IQSEC1: variants seen among roughly 807,000 people sequenced by gnomAD.
IQSEC1 encodes IQ motif and Sec7 domain ArfGEF 1.
IQSEC1 carries 31 observed loss-of-function variants against 91.0 expected under a neutral mutation model. That is an observed-to-expected ratio of 0.34 (90% CI 0.26 to 0.46). The LOEUF (loss-of-function observed/expected upper bound fraction) is 0.46, where lower values mean the gene tolerates loss of function less well. IQSEC1 is among the 20% of genes least tolerant of loss of function. IQSEC1 has a pLI of 1.00. For synonymous variants in IQSEC1, 699 were observed against 662.6 expected (o/e 1.05, Z -0.84); for missense variants, 1,388 against 1,575.6 (o/e 0.88, Z 2.02).
At chr3:13,098,362 C>T (rs1313444768) in intron 2 of IQSEC1, among the ~76,000 whole-genome samples, 1 of 152,066 alleles carries the variant, frequency 6.6e-6, no homozygotes, top group Non-Finnish European at 1.5e-5. Flanking sequence ...GGGAAGGTAC[C>T]ACAGAGGAGG....
chr3:13,054,193 T>C (rs1704795319), intron 1 of IQSEC1, among the ~76,000 whole-genome samples: 1 of 152,222 alleles, frequency 6.6e-6, no homozygotes, highest in Non-Finnish European at 1.5e-5. Context: ...AGGGTTTCTA[T>C]GCACAGCCAC....
At chr3:13,085,735 C>T (rs925869750) in intron 2 of IQSEC1, among the ~76,000 whole-genome samples, 6 of 152,346 alleles carry the variant, frequency 3.9e-5, no homozygotes, top group South Asian at 2.1e-4. Flanking sequence ...ATTTCACAGA[C>T]GGACAGGAGG....
At chr3:13,026,367 T>G (rs371241713) in intron 1 of IQSEC1, among the ~76,000 whole-genome samples, 1 of 152,204 alleles carries the variant, frequency 6.6e-6, no homozygotes, top group African/African-American at 2.4e-5. Context: ...CAAGGGAGCT[T>G]GTGTAGTGAC....
intron 1 of IQSEC1, among the ~76,000 whole-genome samples, chr3:13,232,848 G>C (rs938791228): frequency 6.6e-6 from 1 of 152,276 alleles, no homozygotes; most frequent in Admixed American, 6.5e-5. Flanking sequence ...CAACAATATG[G>C]ATGAAGCCTG....
At chr3:13,063,950 T>C (rs1334632688) in intron 1 of IQSEC1, among the ~76,000 whole-genome samples, 1 of 152,130 alleles carries the variant, frequency 6.6e-6, no homozygotes, top group Non-Finnish European at 1.5e-5. Flanking sequence ...CCCTCACCTT[T>C]TAAAAATTAA....
At chr3:12,953,188 G>C (rs183369741) in intron 1 of IQSEC1, among the ~76,000 whole-genome samples, 1 of 152,250 alleles carries the variant, frequency 6.6e-6, no homozygotes, top group African/African-American at 2.4e-5. Flanking sequence ...GCTGCAGGGA[G>C]CACACCCACA....
chr3:13,104,592 G>A (rs2124841258), intron 2 of IQSEC1, among the ~76,000 whole-genome samples: 1 of 152,284 alleles, frequency 6.6e-6, no homozygotes, highest in East Asian at 1.9e-4. Flanking sequence ...TGTGCACGCT[G>A]GGGCCACATC....
Position 12,936,117 on chromosome 3 carries a change from G to T in IQSEC1, c.899C>A (p.Pro300His). 1 of 1,611,816 alleles carries T rather than the reference G, an allele frequency of 6.2e-7. No homozygotes were observed. Among genetic ancestry groups the T allele is most frequent in the Non-Finnish European group, 8.5e-7 (1 of 1,179,820 alleles). ...CCCTGCCTGCGAGAGGGGCAGAGGG[G>T]GCGACAGCTCCTCCTCATCGATGTA... ...TLYIDEEELSPPLPLSQAGDR... is the reference protein window; with the variant it reads ...TLYIDEEELSHPLPLSQAGDR... Residue 300 changes from proline (P) to histidine (H), a missense_variant, in exon 3 of 14, where the codon CCC becomes CAC. This residue lies in a region of IQSEC1 where 1,059 missense variants were observed against 1,317.8 expected (regional missense o/e 0.80). Transcript: ENST00000613206.
At chr3:13,230,437 T>C (rs1694823080) in intron 1 of IQSEC1, among the ~76,000 whole-genome samples, 1 of 152,230 alleles carries the variant, frequency 6.6e-6, no homozygotes, top group African/African-American at 2.4e-5. Context: ...AAAACACTCA[T>C]CATAAGCAGA....
At chr3:13,134,439 G>A (rs535485152) in intron 2 of IQSEC1, among the ~76,000 whole-genome samples, 40 of 152,374 alleles carry the variant, frequency 2.6e-4, no homozygotes, top group African/African-American at 9.1e-4. Context: ...CAGCTCACCA[G>A]GAGCCTGGGC....
intron 1 of IQSEC1, among the ~76,000 whole-genome samples, chr3:13,209,909 C>T (rs1231499225): frequency 6.6e-6 from 1 of 152,172 alleles, no homozygotes; most frequent in Non-Finnish European, 1.5e-5. Context: ...TCCAGCCCCA[C>T]CATCCTCCAA....
Position 13,269,374 on chromosome 3 carries a change from G to A in IQSEC1, c.272+13337C>T, listed in dbSNP as rs1350051842. Among the ~76,000 whole-genome samples, 7 of 152,214 alleles carry A rather than the reference G, an allele frequency of 4.6e-5. No individual in the cohort carries two copies. The East Asian group carries it at 1.2e-3, about 25-fold the overall frequency. On this transcript the variant is annotated intron_variant, in intron 1 of 15. Transcript: ENST00000648114. ...TCTCCAGACCCCCTTTCCCTCTCTG[G>A]ATGTTTTGGCTGCTTTGCCATATGG... is the stretch of plus-strand genomic sequence containing the variant.
At chr3:13,182,965 C>T (rs146289964) in intron 1 of IQSEC1, among the ~76,000 whole-genome samples, 129 of 152,216 alleles carry the variant, frequency 8.5e-4, no homozygotes, top group Middle Eastern at 3.4e-3. Flanking sequence ...GAAATTGAGA[C>T]CATCCTGGCT....
chr3:13,003,806 T>C (rs1437456014), intron 1 of IQSEC1, among the ~76,000 whole-genome samples: 1 of 152,252 alleles, frequency 6.6e-6, no homozygotes, highest in Non-Finnish European at 1.5e-5. Flanking sequence ...ATTTGACTAA[T>C]GGACCATGGT....
chr3:13,220,984 G>A (rs1170162567), intron 1 of IQSEC1, among the ~76,000 whole-genome samples: 1 of 152,246 alleles, frequency 6.6e-6, no homozygotes, highest in East Asian at 1.9e-4. Flanking sequence ...ATCCATGGTT[G>A]GGGAAACGAC....
At chr3:13,251,797 C>A (rs1438297375) in intron 1 of IQSEC1, among the ~76,000 whole-genome samples, 1 of 152,174 alleles carries the variant, frequency 6.6e-6, no homozygotes, top group East Asian at 1.9e-4. Context: ...GGCAGCTGAG[C>A]CAGCTAGGAG....
At chr3:12,920,209 C>T (rs566237020) in intron 6 of IQSEC1, among the ~76,000 whole-genome samples, 17 of 152,346 alleles carry the variant, frequency 1.1e-4, no homozygotes, top group South Asian at 2.1e-4. Context: ...CTCGAGACCC[C>T]GGCCTGTGTC....
intron 2 of IQSEC1, among the ~76,000 whole-genome samples, chr3:13,079,397 T>C (rs1051877582): frequency 1.3e-5 from 2 of 152,246 alleles, no homozygotes; most frequent in African/African-American, 2.4e-5. Context: ...GCAGCATGCC[T>C]TGGGCGGTGG....
chr3:13,174,709 G>A (rs1394278238), intron 1 of IQSEC1, among the ~76,000 whole-genome samples: 1 of 152,080 alleles, frequency 6.6e-6, no homozygotes, highest in Non-Finnish European at 1.5e-5. Flanking sequence ...TCACCCCCAT[G>A]TCTGCCCTGC....
Sources: gnomAD v4.1 joint callset for allele counts (sites outside exome capture counted in the v4.1 genomes callset) on GRCh38, gnomAD v4.1.1 for gene constraint, gnomAD v4.1.1 regional missense constraint, MANE v1.5 for transcripts, NCBI Gene and HGNC (gene_info 2026-07-23, HGNC 2026-07-21) for gene names.